Variants in FOXP1 observed in about 807,000 individuals in gnomAD.
The protein encoded by FOXP1 is forkhead box P1.
A neutral mutation model predicts 98.2 loss-of-function variants in FOXP1; 15 were observed. The ratio of observed to expected loss-of-function variants is 0.15; its 90% CI spans 0.10 to 0.24. FOXP1 has a LOEUF of 0.24. FOXP1 is among the 10% of genes least tolerant of loss of function. The probability of loss-of-function intolerance (pLI) is 1.00; values close to 1 mark genes in which losing one functional copy is unlikely to be tolerated. For synonymous variants in FOXP1, 371 were observed against 314.5 expected (o/e 1.18, Z -1.90); for missense variants, 633 against 848.5 (o/e 0.75, Z 3.15).
At chr3:71,112,167 T>C (rs751329392) in intron 7 of FOXP1, among the ~76,000 whole-genome samples, 13 of 152,214 alleles carry the variant, frequency 8.5e-5, no homozygotes, top group Non-Finnish European at 1.9e-4. Flanking sequence ...ATGACTACAC[T>C]AAAGTAAGGT....
In FOXP1 at chr3:71,008,955, C is replaced by T. The variant is rs1413823060; in HGVS notation, c.974+6594G>A. On this transcript the variant is annotated intron_variant, in intron 12 of 20. Transcript: ENST00000649528. ...TCTGTTAACAGTGGCACAGTATTGA[C>T]AGATGGGATTTTTATCCTGAAGAAC... Among the ~76,000 whole-genome samples, 4 of 152,060 alleles carry T rather than the reference C, an allele frequency of 2.6e-5. No homozygotes were observed. The East Asian group carries it at 7.7e-4, about 29-fold the overall frequency.
At chr3:70,977,590 C>A (rs930783710) in intron 16 of FOXP1, 53 bp downstream of exon 16, 1 of 1,367,206 alleles carries the variant, frequency 7.3e-7, no homozygotes, top group Non-Finnish European at 1.0e-6. Flanking sequence ...AATATATATC[C>A]ATGTACACAT....
chr3:71,139,742 CAG>C (rs1248856859), intron 6 of FOXP1, among the ~76,000 whole-genome samples: 9 of 152,108 alleles, frequency 5.9e-5, no homozygotes, highest in Non-Finnish European at 1.0e-4. Flanking sequence ...CAAGTGGAGA[CAG>C]GGCTGGGCAC....
chr3:71,401,444 G>A (rs2081953546), intron 3 of FOXP1, among the ~76,000 whole-genome samples: 1 of 152,062 alleles, frequency 6.6e-6, no homozygotes, highest in Non-Finnish European at 1.5e-5. Flanking sequence ...CCCAGAAGCT[G>A]TCAGGCTAAG....
chr3:71,411,663 C>A (rs1403985642), intron 3 of FOXP1, among the ~76,000 whole-genome samples: 1 of 152,188 alleles, frequency 6.6e-6, no homozygotes, highest in African/African-American at 2.4e-5. Flanking sequence ...CTGATGCTGG[C>A]AGGTGGCAGG....
chr3:71,534,013 A>C (rs2044079298), intron 2 of FOXP1, among the ~76,000 whole-genome samples: 1 of 152,196 alleles, frequency 6.6e-6, no homozygotes, highest in African/African-American at 2.4e-5. Context: ...ACTGGTTCAG[A>C]ACCCGTAAGT....
intron 4 of FOXP1, among the ~76,000 whole-genome samples, chr3:71,321,306 G>A (rs12487666): frequency 0.15 from 23,134 of 152,084 alleles, 2,052 homozygotes; most frequent in Non-Finnish European, 0.21. Flanking sequence ...AAAACAGTGT[G>A]GAAGAAAGAG....
intron 3 of FOXP1, among the ~76,000 whole-genome samples, chr3:71,446,769 T>C (rs111539434): frequency 0.014 from 2,169 of 152,356 alleles, 58 homozygotes; most frequent in African/African-American, 0.048. Context: ...GTTTAAATCA[T>C]TGAAGGGATT....
intron 4 of FOXP1, among the ~76,000 whole-genome samples, chr3:71,358,381 CT>C (rs1448425346): frequency 6.6e-6 from 1 of 152,148 alleles, no homozygotes; most frequent in Non-Finnish European, 1.5e-5. Context: ...AATAAGAGAG[CT>C]TTCCCCCACA....
intron 5 of FOXP1, among the ~76,000 whole-genome samples, chr3:71,263,508 A>G (rs143260195): frequency 3.9e-5 from 6 of 152,288 alleles, no homozygotes; most frequent in Admixed American, 3.9e-4. Context: ...TCCTACAACA[A>G]GCCAGATCTT....
intron 5 of FOXP1, among the ~76,000 whole-genome samples, chr3:71,230,320 G>T (rs2066184584): frequency 6.6e-6 from 1 of 152,166 alleles, no homozygotes; most frequent in African/African-American, 2.4e-5. Context: ...AATTCTAAGG[G>T]CATGTGGTGC....
chr3:71,222,298 G>A (rs1051925616), intron 5 of FOXP1, among the ~76,000 whole-genome samples: 1 of 152,198 alleles, frequency 6.6e-6, no homozygotes, highest in Non-Finnish European at 1.5e-5. Flanking sequence ...CAAGAGACCA[G>A]AGGGTGTCTG....
At chr3:71,566,691 C>T (rs1006397593) in intron 2 of FOXP1, among the ~76,000 whole-genome samples, 1 of 152,104 alleles carries the variant, frequency 6.6e-6, no homozygotes, top group African/African-American at 2.4e-5. Flanking sequence ...GTACCAGACC[C>T]ATGGGTGGGG....
At chr3:70,973,389 A>G (rs1203076313) in intron 17 of FOXP1, among the ~76,000 whole-genome samples, 1 of 152,212 alleles carries the variant, frequency 6.6e-6, no homozygotes, top group Admixed American at 6.5e-5. Context: ...TGGCAAAATG[A>G]CTATATTCCT....
At chr3:71,119,369 G>A (rs1176286446) in intron 6 of FOXP1, among the ~76,000 whole-genome samples, 7 of 152,110 alleles carry the variant, frequency 4.6e-5, no homozygotes, top group Non-Finnish European at 8.8e-5. Flanking sequence ...AGCTTGAAAG[G>A]CTGGTCTGAG....
chr3:71,429,220 T>C (rs1047135225), intron 3 of FOXP1, among the ~76,000 whole-genome samples: 1 of 152,002 alleles, frequency 6.6e-6, no homozygotes, highest in African/African-American at 2.4e-5. Context: ...GGTGACATCA[T>C]TCCCAAGGGG....
intron 2 of FOXP1, among the ~76,000 whole-genome samples, chr3:71,528,138 C>A (rs1210956737): frequency 1.3e-5 from 2 of 152,116 alleles, no homozygotes; most frequent in Non-Finnish European, 2.9e-5. Flanking sequence ...ATTGTGGTTT[C>A]TTCTTGGTTC....
chr3:71,307,965 C>T (rs1166314361), intron 4 of FOXP1, among the ~76,000 whole-genome samples: 3 of 152,166 alleles, frequency 2.0e-5, no homozygotes, highest in African/African-American at 7.2e-5. Context: ...CCATGCATTG[C>T]GGCCCAGCTA....
intron 5 of FOXP1, among the ~76,000 whole-genome samples, chr3:71,294,067 T>A (rs572045666): frequency 8.5e-5 from 13 of 152,290 alleles, no homozygotes; most frequent in African/African-American, 2.9e-4. Flanking sequence ...ACTAAGTAAA[T>A]CTATACAAAC....
Sources: gnomAD v4.1 joint callset for allele counts (sites outside exome capture counted in the v4.1 genomes callset) on GRCh38, gnomAD v4.1.1 for gene constraint, MANE v1.5 for transcripts, NCBI Gene and HGNC (gene_info 2026-07-23, HGNC 2026-07-21) for gene names.